ANO4: variants seen among roughly 807,000 people sequenced by gnomAD.
ANO4 encodes the protein anoctamin-4.
In ANO4, 69 loss-of-function variants were observed where a neutral mutation model predicts 141.9. The observed-to-expected ratio is 0.49, with a 90% CI of 0.40 to 0.59. ANO4 has a LOEUF of 0.59. ANO4 is among the 20% of genes least tolerant of loss of function. The pLI is 0.00. For missense variants in ANO4, 894 were observed against 1,162.2 expected (o/e 0.77, Z 3.36); for synonymous variants, 350 against 394.3 (o/e 0.89, Z 1.33).
chr12:100,988,481 C>T (rs899844819), intron 8 of ANO4, among the ~76,000 whole-genome samples: 6 of 150,676 alleles, frequency 4.0e-5, no homozygotes, highest in African/African-American at 1.5e-4. Flanking sequence ...CCCTCTTGCT[C>T]CAGCAGTAGT....
chr12:100,987,994 C>T (rs1401672150), intron 8 of ANO4, among the ~76,000 whole-genome samples: 1 of 152,178 alleles, frequency 6.6e-6, no homozygotes, highest in East Asian at 1.9e-4. Flanking sequence ...ACGGAGCCCC[C>T]TGCAGGCTCA....
intron 8 of ANO4, among the ~76,000 whole-genome samples, chr12:101,006,207 G>T (rs971481386): frequency 5.3e-5 from 8 of 152,110 alleles, no homozygotes; most frequent in African/African-American, 9.7e-5. Context: ...TCCTGTTCCT[G>T]CAGAAAGCAC....
chr12:100,806,095 G>T (rs866275000), intron 1 of ANO4, among the ~76,000 whole-genome samples: 1 of 152,182 alleles, frequency 6.6e-6, no homozygotes, highest in East Asian at 1.9e-4. Context: ...GCAGTTTCCT[G>T]GAGGGAATAG....
chr12:100,766,005 C>G (rs976023018), intron 3 of ANO4, among the ~76,000 whole-genome samples: 50 of 152,078 alleles, frequency 3.3e-4, no homozygotes, highest in African/African-American at 1.2e-3. Flanking sequence ...ATTTTGTACC[C>G]TTTGACTAAT....
At chr12:100,905,666 C>T (rs1421781669) in intron 2 of ANO4, among the ~76,000 whole-genome samples, 3 of 151,976 alleles carry the variant, frequency 2.0e-5, no homozygotes, top group Non-Finnish European at 2.9e-5. Flanking sequence ...CTTTTTTGAG[C>T]AGTTTTGCTA....
intron 7 of ANO4, among the ~76,000 whole-genome samples, chr12:100,980,015 C>T (rs1337477468): frequency 1.3e-5 from 2 of 151,604 alleles, no homozygotes; most frequent in Non-Finnish European, 2.9e-5. Context: ...GCTGGGATTA[C>T]AGGCGTGAGC....
chr12:100,831,187 G>A (rs768448144), intron 1 of ANO4, among the ~76,000 whole-genome samples: 5 of 152,132 alleles, frequency 3.3e-5, no homozygotes, highest in Non-Finnish European at 5.9e-5. Context: ...TTTCCTTGAG[G>A]TTGTTGCAGA....
chr12:100,773,933 T>G (rs2033392258), intron 3 of ANO4, among the ~76,000 whole-genome samples: 1 of 152,214 alleles, frequency 6.6e-6, no homozygotes, highest in Non-Finnish European at 1.5e-5. Context: ...ACTTCCTGGT[T>G]TTGTAAATAA....
At chr12:101,093,880 C>T (rs965507696) in intron 17 of ANO4, among the ~76,000 whole-genome samples, 5 of 152,052 alleles carry the variant, frequency 3.3e-5, no homozygotes, top group Non-Finnish European at 2.9e-5. Flanking sequence ...CCATCAGAAG[C>T]GGGCTTAGAG....
intron 1 of ANO4, among the ~76,000 whole-genome samples, chr12:100,857,995 A>G (rs970068574): frequency 6.6e-6 from 1 of 152,212 alleles, no homozygotes. Context: ...AGATATATGT[A>G]TGAAAACATA....
intron 25 of ANO4, among the ~76,000 whole-genome samples, chr12:101,117,140 G>C (rs546764807): frequency 6.6e-6 from 1 of 152,334 alleles, no homozygotes; most frequent in Non-Finnish European, 1.5e-5. Flanking sequence ...AGCGACAGCT[G>C]TTGAGGGCAC....
intron 22 of ANO4, among the ~76,000 whole-genome samples, chr12:101,102,962 C>A (rs918181343): frequency 6.6e-6 from 1 of 151,402 alleles, no homozygotes; most frequent in Admixed American, 6.6e-5. Context: ...CCTTAGGAAT[C>A]TTTGTGCAAC....
chr12:100,924,495 T>C (rs904287386), intron 3 of ANO4, among the ~76,000 whole-genome samples: 1 of 152,134 alleles, frequency 6.6e-6, no homozygotes, highest in Admixed American at 6.6e-5. Flanking sequence ...ATCCTGAAAC[T>C]GAAGATTAGG....
At chr12:100,980,663 C>T (rs1263405986) in intron 7 of ANO4, among the ~76,000 whole-genome samples, 5 of 152,176 alleles carry the variant, frequency 3.3e-5, no homozygotes, top group African/African-American at 1.2e-4. Flanking sequence ...GGTTTCTGAG[C>T]AGGCAGAGAA....
At chr12:100,865,063 G>A (rs1430293922) in intron 1 of ANO4, among the ~76,000 whole-genome samples, 1 of 152,124 alleles carries the variant, frequency 6.6e-6, no homozygotes, top group East Asian at 1.9e-4. Context: ...CCAAGTCTTT[G>A]CTATCGTGAA....
intron 5 of ANO4, among the ~76,000 whole-genome samples, chr12:100,967,082 A>T (rs1190835830): frequency 6.6e-6 from 1 of 152,080 alleles, no homozygotes; most frequent in African/African-American, 2.4e-5. Flanking sequence ...AAAGAAAAAA[A>T]AATTTTGTGT....
intron 3 of ANO4, among the ~76,000 whole-genome samples, chr12:100,788,379 C>T (rs1034390611): frequency 2.0e-5 from 3 of 152,096 alleles, no homozygotes; most frequent in Non-Finnish European, 4.4e-5. Flanking sequence ...ACCTTAGTTC[C>T]AGTTATAGAG....
intron 5 of ANO4, among the ~76,000 whole-genome samples, chr12:100,950,427 T>C (rs1412804551): frequency 6.6e-6 from 1 of 152,198 alleles, no homozygotes. Flanking sequence ...TGGCGATTCC[T>C]TGAGTGTCTT....
intron 14 of ANO4, among the ~76,000 whole-genome samples, chr12:101,065,878 C>T (rs559510829): frequency 2.8e-4 from 42 of 152,094 alleles, no homozygotes; most frequent in Non-Finnish European, 5.7e-4. Flanking sequence ...TATTGGCAAT[C>T]AAAATTCAAC....
Sources: allele counts gnomAD v4.1 joint callset (sites outside exome capture counted in the v4.1 genomes callset), GRCh38; gene constraint gnomAD v4.1.1; transcripts MANE v1.5; gene names NCBI Gene and HGNC (gene_info 2026-07-23, HGNC 2026-07-21).